Variants in ARHGAP31 observed in about 807,000 individuals in gnomAD.
ARHGAP31 encodes the protein rho GTPase-activating protein 31.
In ARHGAP31, 34 loss-of-function variants were observed where a neutral mutation model predicts 113.9. That is an observed-to-expected ratio of 0.30 (90% CI 0.23 to 0.40). The LOEUF (loss-of-function observed/expected upper bound fraction) is 0.40. Ranked by LOEUF, ARHGAP31 falls within the 10% of genes least tolerant of loss-of-function variation. ARHGAP31 has a pLI of 1.00. For synonymous variants in ARHGAP31, 650 were observed against 684.8 expected (o/e 0.95, Z 0.79); for missense variants, 1,548 against 1,767.1 (o/e 0.88, Z 2.22).
chr3:119,348,866 C>G (rs10511388), intron 1 of ARHGAP31, among the ~76,000 whole-genome samples: 13 of 152,220 alleles, frequency 8.5e-5, no homozygotes, highest in African/African-American at 2.9e-4. Flanking sequence ...AAAATTACTT[C>G]TAAAGACAGT....
intron 1 of ARHGAP31, among the ~76,000 whole-genome samples, chr3:119,337,518 TTGCCACTGTGGG>T (rs2079968023): frequency 6.6e-6 from 1 of 152,210 alleles, no homozygotes; most frequent in Non-Finnish European, 1.5e-5. Context: ...CCCAAATGAT[TTGCCACTGTGGG>T]TGCCAGTGGC....
chr3:119,337,099 T>A lies in ARHGAP31; in HGVS notation c.101-28217T>A, dbSNP rs77879564. On this transcript the variant is annotated intron_variant, in intron 1 of 11. Coordinates refer to ENST00000264245, the MANE Select transcript of ARHGAP31 (RefSeq NM_020754.4). ...TCCACTTTTTGGCTGTTGTGAATAA[T>A]GGTGCTGTGTCCAGAATTGGTGAGC... Among the ~76,000 whole-genome samples, 819 of 152,344 alleles carry A rather than the reference T, an allele frequency of 5.4e-3. 15 individuals carry two copies. Among genetic ancestry groups the A allele is most frequent in the Non-Finnish European group, 5.7e-3 (385 of 68,032 alleles).
At chr3:119,361,570 T>C (rs1254657642) in intron 1 of ARHGAP31, among the ~76,000 whole-genome samples, 1 of 152,108 alleles carries the variant, frequency 6.6e-6, no homozygotes, top group Admixed American at 6.6e-5. Context: ...TTAGTAGAGA[T>C]GGGATTTCAC....
intron 3 of ARHGAP31, among the ~76,000 whole-genome samples, chr3:119,375,376 C>T (rs2080337508): frequency 6.6e-6 from 1 of 152,176 alleles, no homozygotes; most frequent in Non-Finnish European, 1.5e-5. Context: ...CTGTCTCTGC[C>T]TCCAGGGCCA....
At chr3:119,332,192 G>A (rs1483841087) in intron 1 of ARHGAP31, among the ~76,000 whole-genome samples, 2 of 151,704 alleles carry the variant, frequency 1.3e-5, no homozygotes, top group Non-Finnish European at 2.9e-5. Context: ...ATCTTCCTCT[G>A]GATTCCTTGT....
chr3:119,339,077 C>G (rs1213505659), intron 1 of ARHGAP31, among the ~76,000 whole-genome samples: 1 of 152,086 alleles, frequency 6.6e-6, no homozygotes, highest in Non-Finnish European at 1.5e-5. Flanking sequence ...GAGGGTAAAC[C>G]TGGGCCTAGG....
intron 1 of ARHGAP31, among the ~76,000 whole-genome samples, chr3:119,364,471 A>G (rs1022911537): frequency 6.6e-5 from 10 of 152,224 alleles, no homozygotes; most frequent in African/African-American, 2.4e-4. Context: ...ACAAGTAATC[A>G]TGAGTGACTT....
intron 1 of ARHGAP31, among the ~76,000 whole-genome samples, chr3:119,336,728 A>G (rs913465248): frequency 2.2e-4 from 34 of 152,240 alleles, no homozygotes; most frequent in Non-Finnish European, 1.0e-4. Flanking sequence ...CATATGCTAT[A>G]CAACAATGAC....
chr3:119,365,879 T>C (rs1184702364), intron 2 of ARHGAP31, among the ~76,000 whole-genome samples: 2 of 152,172 alleles, frequency 1.3e-5, no homozygotes, highest in Non-Finnish European at 2.9e-5. Flanking sequence ...CCTATATGAT[T>C]GTGCATGTCT....
At chr3:119,322,046 C>T (rs1182898996) in intron 1 of ARHGAP31, among the ~76,000 whole-genome samples, 1 of 152,130 alleles carries the variant, frequency 6.6e-6, no homozygotes, top group Admixed American at 6.5e-5. Flanking sequence ...TGAACAAGCC[C>T]ACAGTGAATA....
At chr3:119,364,302 C>T (rs2080235542) in intron 1 of ARHGAP31, among the ~76,000 whole-genome samples, 1 of 151,854 alleles carries the variant, frequency 6.6e-6, no homozygotes, top group Non-Finnish European at 1.5e-5. Flanking sequence ...TTTAAATCAC[C>T]TTCGACATTC....
At chr3:119,336,993 C>T (rs2079957016) in intron 1 of ARHGAP31, among the ~76,000 whole-genome samples, 2 of 152,148 alleles carry the variant, frequency 1.3e-5, no homozygotes, top group South Asian at 2.1e-4. Flanking sequence ...TACTTAAGTC[C>T]TTTTTATTAC....
chr3:119,351,027 T>A (rs1364377807), intron 1 of ARHGAP31, among the ~76,000 whole-genome samples: 1 of 152,128 alleles, frequency 6.6e-6, no homozygotes, highest in East Asian at 1.9e-4. Context: ...AACACAAGGA[T>A]CCAGAAATCA....
chr3:119,296,360 T>G (rs147583928), intron 1 of ARHGAP31, among the ~76,000 whole-genome samples: 3 of 152,368 alleles, frequency 2.0e-5, no homozygotes, highest in Admixed American at 6.5e-5. Context: ...ACCAACCATC[T>G]GGAGAGGTAG....
chr3:119,350,103 A>G (rs1477776626), intron 1 of ARHGAP31, among the ~76,000 whole-genome samples: 1 of 152,234 alleles, frequency 6.6e-6, no homozygotes, highest in East Asian at 1.9e-4. Context: ...AATAAATGTA[A>G]TGAGCACTCT....
intron 1 of ARHGAP31, among the ~76,000 whole-genome samples, chr3:119,313,860 G>A (rs2079705406): frequency 6.6e-6 from 1 of 152,224 alleles, no homozygotes; most frequent in Non-Finnish European, 1.5e-5. Flanking sequence ...GCTGTAGCCA[G>A]AGTATATCTT....
chr3:119,400,131 A>T (rs2080587517), intron 9 of ARHGAP31, among the ~76,000 whole-genome samples: 1 of 152,248 alleles, frequency 6.6e-6, no homozygotes, highest in Non-Finnish European at 1.5e-5. Context: ...ACAACATTTT[A>T]AAAATAATTC....
intron 6 of ARHGAP31, among the ~76,000 whole-genome samples, chr3:119,388,763 C>T (rs57429110): frequency 0.033 from 5,062 of 152,146 alleles, 160 homozygotes; most frequent in East Asian, 0.15. Flanking sequence ...CTGGGTGGTC[C>T]GTGGTGCCAC....
chr3:119,337,146 G>C (rs1375249665), intron 1 of ARHGAP31, among the ~76,000 whole-genome samples: 1 of 152,222 alleles, frequency 6.6e-6, no homozygotes, highest in Non-Finnish European at 1.5e-5. Flanking sequence ...CTCACTTCAA[G>C]AATGAAGCCG....
Sources: allele counts gnomAD v4.1 joint callset (sites outside exome capture counted in the v4.1 genomes callset), GRCh38; gene constraint gnomAD v4.1.1; transcripts MANE v1.5; gene names NCBI Gene and HGNC (gene_info 2026-07-23, HGNC 2026-07-21).